Variants in NEK10 observed in about 807,000 individuals in gnomAD.
NEK10 encodes the protein NIMA related kinase 10.
A neutral mutation model predicts 159.8 loss-of-function variants in NEK10; 122 were observed. The ratio of observed to expected loss-of-function variants is 0.76; its 90% confidence interval spans 0.66 to 0.89. NEK10 has a LOEUF of 0.89. Among genes scored for constraint, NEK10 ranks in the 40% least tolerant of loss-of-function variants. NEK10 has a pLI of 0.00. For synonymous variants in NEK10, 466 were observed against 457.1 expected (o/e 1.02, Z -0.25); for missense variants, 1,342 against 1,323.1 (o/e 1.01, Z -0.22).
intron 23 of NEK10, among the ~76,000 whole-genome samples, chr3:27,212,067 T>C (rs1488186142): frequency 6.6e-6 from 1 of 152,214 alleles, no homozygotes; most frequent in Non-Finnish European, 1.5e-5. Flanking sequence ...GTGACAGATA[T>C]GCACAGTTTT....
chr3:27,284,475 G>A (rs1279781677), intron 22 of NEK10, 127 bp downstream of exon 22: 1 of 602,636 alleles, frequency 1.7e-6, no homozygotes, highest in Non-Finnish European at 3.0e-6. Flanking sequence ...TGTGGCTAGT[G>A]GCTACTGTAT....
At chr3:27,195,935 G>A in intron 25 of NEK10, among the ~76,000 whole-genome samples, 1 of 151,980 alleles carries the variant, frequency 6.6e-6, no homozygotes, top group East Asian at 1.9e-4. Context: ...GCGTTAAGTG[G>A]GTCAGAAGCA....
At chr3:27,339,236 T>A (rs2047029591) in intron 5 of NEK10, among the ~76,000 whole-genome samples, 1 of 152,188 alleles carries the variant, frequency 6.6e-6, no homozygotes, top group South Asian at 2.1e-4. Flanking sequence ...CTACTTTTCG[T>A]GTTTTAATCA....
chr3:27,226,265 T>C (rs1238054884), intron 23 of NEK10, among the ~76,000 whole-genome samples: 1 of 151,812 alleles, frequency 6.6e-6, no homozygotes, highest in Non-Finnish European at 1.5e-5. Context: ...CAGGATGGTC[T>C]AGATCTCCTG....
At chr3:27,153,492 C>T (rs752758805) in intron 30 of NEK10, among the ~76,000 whole-genome samples, 8 of 152,016 alleles carry the variant, frequency 5.3e-5, no homozygotes, top group South Asian at 2.1e-4. Flanking sequence ...ATCCAACAAC[C>T]GCAAAACATA....
rs1197138510 is a variant in NEK10 at position 27,107,306 on chromosome 3, C to T, written c.*3966G>A. ...TCTTGCAAATCTCAAAACAACATCA[C>T]AGCAGGACTATAATCAACCACAACA... On this transcript the variant is annotated 3_prime_UTR_variant, in exon 36 of 36. Transcript: ENST00000691995. Among the ~76,000 whole-genome samples, 1 of 152,112 alleles carries T rather than the reference C, an allele frequency of 6.6e-6. No individual in the cohort carries two copies. Among genetic ancestry groups the T allele is most frequent in the African/African-American group, 2.4e-5 (1 of 41,440 alleles).
At chr3:27,119,343 A>G (rs1390409310) in intron 33 of NEK10, among the ~76,000 whole-genome samples, 1 of 152,192 alleles carries the variant, frequency 6.6e-6, no homozygotes. Context: ...AATTTTATGT[A>G]AAAGAGAAAA....
At chr3:27,198,144 G>A (rs1298399160) in intron 25 of NEK10, among the ~76,000 whole-genome samples, 1 of 151,964 alleles carries the variant, frequency 6.6e-6, no homozygotes, top group Non-Finnish European at 1.5e-5. Flanking sequence ...CAAACAAATG[G>A]AAAAATACCC....
chr3:27,265,343 G>T (rs1356085287), intron 22 of NEK10, among the ~76,000 whole-genome samples: 1 of 152,156 alleles, frequency 6.6e-6, no homozygotes, highest in East Asian at 1.9e-4. Context: ...TGTTTAATTT[G>T]ATTTTATAAA....
intron 1 of NEK10, among the ~76,000 whole-genome samples, chr3:27,366,338 T>G (rs1030556010): frequency 3.3e-5 from 5 of 152,198 alleles, no homozygotes; most frequent in African/African-American, 1.2e-4. Flanking sequence ...TACTGCGCCC[T>G]GAGAACTGTC....
chr3:27,338,563 G>T (rs1422393725), intron 5 of NEK10, among the ~76,000 whole-genome samples: 1 of 152,210 alleles, frequency 6.6e-6, no homozygotes, highest in Non-Finnish European at 1.5e-5. Context: ...CAGTGTAAAA[G>T]TGTTCCTGTT....
intron 22 of NEK10, among the ~76,000 whole-genome samples, chr3:27,260,639 T>C (rs1332681389): frequency 1.3e-5 from 2 of 152,218 alleles, no homozygotes; most frequent in Admixed American, 1.3e-4. Flanking sequence ...TTATTGAGAA[T>C]TTTTGCATCA....
chr3:27,364,351 TGTG>T (rs2048901940), intron 1 of NEK10, among the ~76,000 whole-genome samples: 1 of 470 alleles, frequency 2.1e-3, no homozygotes, highest in African/African-American at 9.1e-3. Context: ...TGGCTAATTG[TGTG>T]TGTGTGTGTG....
In NEK10 at chr3:27,110,067, AGAT is replaced by A. The variant is rs1428239880; in HGVS notation, c.*1202_*1204del. The A allele has an allele frequency of 6.6e-6, 1 of 152,242 alleles. No individual in the cohort carries two copies. Among genetic ancestry groups the A allele is most frequent in the African/African-American group, 2.4e-5 (1 of 41,470 alleles). 9.4% of individuals were successfully genotyped at this position (152,242 alleles called of 1,614,324 possible). A position where few individuals can be genotyped will look rare whatever the true frequency, so the allele number is the denominator to read the frequency against. ...TACTAAAAAAATTCAGTGTAAATAA[AGAT>A]GACAGAACTCCATGAAAAGTAAATA... is the stretch of plus-strand genomic sequence containing the variant. On this transcript the variant is annotated 3_prime_UTR_variant, in exon 36 of 36. Coordinates refer to ENST00000691995, the MANE Select transcript of NEK10 (RefSeq NM_001394966.1).
chr3:27,153,810 G>C (rs995849698), intron 30 of NEK10, among the ~76,000 whole-genome samples: 5 of 152,112 alleles, frequency 3.3e-5, no homozygotes, highest in Non-Finnish European at 7.4e-5. Flanking sequence ...CAAAAGCATT[G>C]CTAAGAGGAA....
chr3:27,121,578 C>T (rs1941312360), intron 32 of NEK10, among the ~76,000 whole-genome samples: 1 of 152,194 alleles, frequency 6.6e-6, no homozygotes, highest in Admixed American at 6.6e-5. Flanking sequence ...TTTTTGCCTG[C>T]TGCCACCCGT....
Position 27,312,117 on chromosome 3 carries a change from T to C in NEK10, c.550A>G (p.Lys184Glu). ...GYGEEQHTVD[K>E]LVNMTYIFQK... Reference sequence around the variant, plus strand: ...CACTTACATGTCATGTTGACCAGCTTGTCCACAGTGTGCTGCTCTTCTCCA... The same window carrying C: ...CACTTACATGTCATGTTGACCAGCTCGTCCACAGTGTGCTGCTCTTCTCCA... Residue 184 changes from lysine to glutamate, a missense_variant, in exon 8 of 36, where the codon AAG (lysine) becomes GAG (glutamate). By Grantham distance (56) the Lys-to-Glu change is moderately conservative (BLOSUM62 1). Coordinates refer to ENST00000691995, the MANE Select transcript of NEK10 (RefSeq NM_001394966.1). 1.2e-6 allele frequency: 2 copies of C among 1,612,136 alleles called. No individual in the cohort carries two copies. Among genetic ancestry groups the C allele is most frequent in the Non-Finnish European group, 1.7e-6 (2 of 1,178,582 alleles).
intron 6 of NEK10, among the ~76,000 whole-genome samples, chr3:27,318,066 G>C (rs1230896886): frequency 3.3e-5 from 5 of 152,172 alleles, no homozygotes; most frequent in African/African-American, 1.2e-4. Flanking sequence ...GCCTCCTAAA[G>C]TGCTGGGAGT....
intron 23 of NEK10, among the ~76,000 whole-genome samples, chr3:27,246,697 C>A (rs2149280752): frequency 6.6e-6 from 1 of 152,188 alleles, no homozygotes; most frequent in South Asian, 2.1e-4. Flanking sequence ...CCAACCCCTG[C>A]CCACTACCCT....
Sources: allele counts gnomAD v4.1 joint callset (sites outside exome capture counted in the v4.1 genomes callset), GRCh38; gene constraint gnomAD v4.1.1; transcripts MANE v1.5; gene names NCBI Gene and HGNC (gene_info 2026-07-23, HGNC 2026-07-21).